HLTF: variants seen among roughly 807,000 people sequenced by gnomAD.
HLTF encodes DNA-dependent ATPase/E3 ubiquitin-protein ligase HLTF.
In HLTF, 127 loss-of-function variants were observed where a neutral mutation model predicts 129.4. The ratio of observed to expected loss-of-function variants is 0.98; its 90% confidence interval spans 0.85 to 1.14. The LOEUF is 1.14. Among genes scored for constraint, HLTF ranks in the 50% most tolerant of loss-of-function variants. The probability of loss-of-function intolerance (pLI) is 0.00; values close to 1 mark genes in which losing one functional copy is unlikely to be tolerated. For missense variants in HLTF, 1,139 were observed against 1,187.1 expected (o/e 0.96, Z 0.60); for synonymous variants, 332 against 388.8 (o/e 0.85, Z 1.72).
At chr3:149,044,331 C>G (rs1223299709) in intron 18 of HLTF, among the ~76,000 whole-genome samples, 3 of 152,076 alleles carry the variant, frequency 2.0e-5, no homozygotes, top group Non-Finnish European at 4.4e-5. Flanking sequence ...TCTTTTTCAA[C>G]TTTTTCAAAT....
chr3:149,086,073 C>T (rs1358369850), intron 1 of HLTF, among the ~76,000 whole-genome samples: 1 of 152,114 alleles, frequency 6.6e-6, no homozygotes, highest in Admixed American at 6.5e-5. Context: ...CTTTAAGCCC[C>T]AGGCCCCCCA....
At chr3:149,064,487 G>A (rs1718192468) in intron 9 of HLTF, among the ~76,000 whole-genome samples, 1 of 152,016 alleles carries the variant, frequency 6.6e-6, no homozygotes, top group East Asian at 1.9e-4. Flanking sequence ...AATTCACTGA[G>A]GTCCCAGAAT....
In HLTF at chr3:149,042,221, T is replaced by A; in HGVS notation, c.2142A>T (p.Gln714His). The change falls in exon 19 of 25, where the codon CAA becomes CAT. Residue 714 changes from glutamine to histidine, a missense_variant. By Grantham distance (24) the Gln-to-His change is conservative. Transcript: ENST00000310053. ...TAAGAAGGTAAGTATGGCAACAAAT[T>A]TGCCGCAGTCTAAGCAAAAGACCCA... ...DVLGLLLRLR[Q>H]ICCHTYLLTN... 6.2e-7 allele frequency: 1 copy of A among 1,613,262 alleles called. No individual in the cohort carries two copies. The highest frequency in any genetic ancestry group is 1.1e-5 in the South Asian group (1 of 91,052).
intron 13 of HLTF, among the ~76,000 whole-genome samples, chr3:149,056,628 T>A (rs1456800052): frequency 1.6e-4 from 25 of 152,156 alleles, no homozygotes; most frequent in Admixed American, 1.6e-3. Context: ...CCAAACCCTA[T>A]ATATAATGTT....
At chr3:149,035,124 T>C (rs1715458479) in intron 23 of HLTF, 126 bp from the exon 24 acceptor site, 2 of 718,954 alleles carry the variant, frequency 2.8e-6, no homozygotes, top group African/African-American at 1.8e-5. Context: ...TGAAGTCAGA[T>C]ACTAACATCA....
chr3:149,078,294 C>T (rs1719558316), intron 2 of HLTF, among the ~76,000 whole-genome samples: 1 of 152,030 alleles, frequency 6.6e-6, no homozygotes, highest in Non-Finnish European at 1.5e-5. Flanking sequence ...ACTTGTAATC[C>T]CAGCACTTTA....
At chr3:149,050,162 C>A (rs1716866420) in intron 15 of HLTF, 70 bp downstream of exon 15, 10 of 986,088 alleles carry the variant, frequency 1.0e-5, no homozygotes, top group Non-Finnish European at 1.0e-5. Context: ...TTTTGGAACA[C>A]TCTAGAAACC....
Position 149,060,814 on chromosome 3 carries a change from T to G in HLTF, c.1205A>C (p.Glu402Ala). 6.2e-7 allele frequency: 1 copy of G among 1,613,690 alleles called. No homozygotes were observed. Among genetic ancestry groups the G allele is most frequent in the Non-Finnish European group, 8.5e-7 (1 of 1,179,704 alleles). ...VQYIESSDSE[E>A]IETSELPQKM... ...CTGCGGCAATTCACTTGTTTCAATT[T>G]CCTCTGAATCACTGCTTTCTATGTA... The change falls in exon 11 of 25, where the codon GAA becomes GCA. Residue 402 changes from glutamate to alanine, a missense_variant. Transcript: ENST00000310053.
At chr3:149,046,353 T>C (rs1331614209) in intron 17 of HLTF, 94 bp from the exon 18 acceptor site, 3 of 675,862 alleles carry the variant, frequency 4.4e-6, no homozygotes, top group South Asian at 5.5e-5. Flanking sequence ...TTGTTACTGT[T>C]TTATAGCTTC....
At chr3:149,059,039 C>T (rs1324813383) in intron 13 of HLTF, among the ~76,000 whole-genome samples, 2 of 152,200 alleles carry the variant, frequency 1.3e-5, no homozygotes, top group Non-Finnish European at 2.9e-5. Flanking sequence ...GCTTCATAAA[C>T]AAGCCCCTTC....
Position 149,041,777 on chromosome 3 carries a change from T to C in HLTF, c.2198-109A>G, listed in dbSNP as rs1016452643. The C allele has an allele frequency of 1.2e-5, 9 of 739,688 alleles. No individual in the cohort carries two copies. The African/African-American group carries it at 1.6e-4, about 13-fold the overall frequency. The allele number at this position is 739,688 out of a possible 1,614,324, so 45.8% of individuals were successfully genotyped here. A position where few individuals can be genotyped will look rare whatever the true frequency, so the allele number is the denominator to read the frequency against. ...TGCCAGTAGGGAAAGTCTCTCATCA[T>C]TTTCTGCCATAGGCAAAAAGCATAA... On this transcript the variant is annotated intron_variant, in intron 19 of 24. Transcript: ENST00000310053.
In HLTF at chr3:149,030,423, TA is replaced by T. The variant is rs1175841270; in HGVS notation, c.*1796del. ...TTTTAAACAACTTGCCAAACTTACT[TA>T]TGAGTGTGTTTTAAAAACAACTTTG... is the stretch of plus-strand genomic sequence containing the variant. On this transcript the variant is annotated 3_prime_UTR_variant, in exon 25 of 25. Transcript: ENST00000310053. 1 of 152,168 alleles carries T rather than the reference TA, an allele frequency of 6.6e-6. No individual in the cohort carries two copies. The highest frequency in any genetic ancestry group is 2.4e-5 in the African/African-American group (1 of 41,448). The allele number at this position is 152,168 out of a possible 1,614,324, so 9.4% of individuals were successfully genotyped here.
rs1559888126 is a variant in HLTF, at chr3:149,084,940, A to G, written c.21-51T>C. On this transcript the variant is annotated intron_variant, in intron 1 of 24. Coordinates refer to ENST00000310053, the MANE Select transcript of HLTF (RefSeq NM_003071.4). ...AACAATATAATATTTAAGTATTTCC[A>G]AAGACCATATGAGTAGTTTTCTCAT... 6 of 1,339,044 alleles carry G rather than the reference A, an allele frequency of 4.5e-6. No homozygotes were observed. In the South Asian group the frequency reaches 4.9e-5, roughly 11 times the overall value. 82.9% of individuals were successfully genotyped at this position (1,339,044 alleles called of 1,614,324 possible).
intron 18 of HLTF, among the ~76,000 whole-genome samples, chr3:149,044,106 G>GT (rs1716346375): frequency 6.6e-6 from 1 of 152,088 alleles, no homozygotes; most frequent in Admixed American, 6.6e-5. Flanking sequence ...TGACAACAGT[G>GT]TAAGTCACCT....
At chr3:149,070,176 G>A in intron 7 of HLTF, among the ~76,000 whole-genome samples, 1 of 152,226 alleles carries the variant, frequency 6.6e-6, no homozygotes, top group Middle Eastern at 3.4e-3. Context: ...ATTGAATTTT[G>A]ATGCAGTATA....
At chr3:149,056,405 A>G (rs945423246) in intron 13 of HLTF, among the ~76,000 whole-genome samples, 3 of 152,246 alleles carry the variant, frequency 2.0e-5, no homozygotes, top group Non-Finnish European at 4.4e-5. Flanking sequence ...AGTATCTTCC[A>G]GTAAACTTAA....
intron 13 of HLTF, among the ~76,000 whole-genome samples, chr3:149,056,847 C>G (rs1302242862): frequency 6.6e-6 from 1 of 151,046 alleles, no homozygotes; most frequent in South Asian, 2.1e-4. Context: ...CGGTGGCTCA[C>G]GCCTGTAATC....
intron 7 of HLTF, among the ~76,000 whole-genome samples, chr3:149,070,124 C>T (rs1021056937): frequency 1.1e-4 from 17 of 152,148 alleles, no homozygotes; most frequent in Non-Finnish European, 2.9e-5. Flanking sequence ...TATGATTTAG[C>T]GTTCCATATT....
At chr3:149,053,808 C>A (rs957963490) in intron 14 of HLTF, among the ~76,000 whole-genome samples, 11 of 152,070 alleles carry the variant, frequency 7.2e-5, no homozygotes, top group Non-Finnish European at 1.6e-4. Context: ...CTCTATACCC[C>A]AAGCCCTCAA....
Sources: gnomAD v4.1 joint callset for allele counts (sites outside exome capture counted in the v4.1 genomes callset) on GRCh38, gnomAD v4.1.1 for gene constraint, MANE v1.5 for transcripts, NCBI Gene and HGNC (gene_info 2026-07-23, HGNC 2026-07-21) for gene names.